Variants in TRAPPC13 observed in about 807,000 individuals in gnomAD.
TRAPPC13 encodes the protein trafficking protein particle complex subunit 13, also known as REV7-interacting novel NHEJ regulator 1.
TRAPPC13 carries 39 observed loss-of-function variants against 54.0 expected under a neutral mutation model. That is an observed-to-expected ratio of 0.72 (90% confidence interval 0.56 to 0.94). TRAPPC13 has a LOEUF of 0.94. Ranked by LOEUF, TRAPPC13 falls within the 40% of genes least tolerant of loss-of-function variation. The probability of loss-of-function intolerance (pLI) is 0.00; values close to 1 mark genes in which losing one functional copy is unlikely to be tolerated. For missense variants in TRAPPC13, 386 were observed against 488.1 expected (o/e 0.79, Z 1.97); for synonymous variants, 148 against 167.7 (o/e 0.88, Z 0.91).
intron 1 of TRAPPC13, chr5:65,630,416 A>AG: frequency 7.1e-7 from 1 of 1,403,666 alleles, no homozygotes; most frequent in Non-Finnish European, 9.2e-7. Flanking sequence ...TAATTTTTAC[A>AG]GGTTTTAAAA....
chr5:65,662,305 T>A, intron 11 of TRAPPC13, 155 bp downstream of exon 11: 1 of 519,682 alleles, frequency 1.9e-6, no homozygotes, highest in Non-Finnish European at 3.3e-6. Context: ...CTTCATCTGG[T>A]AGCAGTATAA....
intron 1 of TRAPPC13, among the ~76,000 whole-genome samples, chr5:65,632,298 T>C (rs1755578381): frequency 6.6e-6 from 1 of 152,156 alleles, no homozygotes; most frequent in Admixed American, 6.5e-5. Flanking sequence ...AGAAACTGCC[T>C]CCTGTGTATC....
At chr5:65,641,981 G>T (rs879666401) in intron 4 of TRAPPC13, among the ~76,000 whole-genome samples, 1 of 151,398 alleles carries the variant, frequency 6.6e-6, no homozygotes, top group Admixed American at 6.6e-5. Context: ...ATTTCATGTA[G>T]ATTTTCACAT....
chr5:65,650,094 G>A (rs1043949000), intron 5 of TRAPPC13, among the ~76,000 whole-genome samples: 10 of 147,788 alleles, frequency 6.8e-5, no homozygotes, highest in East Asian at 4.0e-4. Flanking sequence ...TCCTGACCTC[G>A]TGATCTGCCC....
In TRAPPC13 at chr5:65,660,845, A is replaced by G; in HGVS notation, c.845A>G (p.Lys282Arg). The G allele has an allele frequency of 3.1e-6, 5 of 1,613,582 alleles. No individual in the cohort carries two copies. Among genetic ancestry groups the G allele is most frequent in the Non-Finnish European group, 4.2e-6 (5 of 1,179,686 alleles). Reference protein sequence around the residue: ...TVIGKLDIVWKTNLGERGRLQ... With the variant: ...TVIGKLDIVWRTNLGERGRLQ... ...ATTGGAAAATTGGATATAGTATGGA[A>G]AACAAATCTAGGTGAAAGGGGAAGG... Residue 282 changes from lysine (K) to arginine (R), a missense_variant, in exon 10 of 13, where the codon AAA becomes AGA. Transcript: ENST00000399438.
chr5:65,656,077 A>G (rs1756641776), intron 8 of TRAPPC13, among the ~76,000 whole-genome samples: 1 of 152,192 alleles, frequency 6.6e-6, no homozygotes, highest in South Asian at 2.1e-4. Context: ...GGGTCAGGTG[A>G]TGATGGCCGC....
intron 3 of TRAPPC13, among the ~76,000 whole-genome samples, 172 bp from the exon 4 acceptor site, chr5:65,637,524 G>A (rs964396545): frequency 4.0e-5 from 6 of 151,890 alleles, no homozygotes; most frequent in East Asian, 1.9e-4. Flanking sequence ...TCAGCTACTC[G>A]GGAGGCTGAG....
chr5:65,636,086 A>G, intron 3 of TRAPPC13, 43 bp downstream of exon 3: 1 of 1,307,944 alleles, frequency 7.6e-7, no homozygotes, highest in Non-Finnish European at 1.1e-6. Context: ...TAAAGCCATT[A>G]CAAATTATGT....
rs139919396 is a variant in TRAPPC13 at position 65,643,629 on chromosome 5, T to C, written c.301-3426T>C. On this transcript the variant is annotated intron_variant, in intron 4 of 12. Transcript: ENST00000399438. ...GTCAGGAGATCAAGACCATCCTGGCTAACACGGTGAAACCCTGTGTCTACT... is the reference window on the plus strand; with the variant it reads ...GTCAGGAGATCAAGACCATCCTGGCCAACACGGTGAAACCCTGTGTCTACT... Among the ~76,000 whole-genome samples the C allele has an allele frequency of 7.0e-3, 1,066 of 151,986 alleles. 43 individuals are homozygous for C. The highest frequency in any genetic ancestry group is 0.065 in the Admixed American group (993 of 15,260).
At chr5:65,636,535 A>T (rs572569998) in intron 3 of TRAPPC13, among the ~76,000 whole-genome samples, 46 of 152,188 alleles carry the variant, frequency 3.0e-4, no homozygotes, top group Non-Finnish European at 5.1e-4. Flanking sequence ...ATACCAAAAT[A>T]AAATGTTAAT....
intron 4 of TRAPPC13, among the ~76,000 whole-genome samples, 198 bp from the exon 5 acceptor site, chr5:65,646,854 TTTG>T (rs747808113): frequency 7.4e-4 from 113 of 152,170 alleles, no homozygotes; most frequent in Middle Eastern, 3.4e-3. Context: ...TATTTATTTT[TTTG>T]GGGTTGGGGG....
At chr5:65,635,041 A>G (rs768322912) in intron 1 of TRAPPC13, 9 of 690,154 alleles carry the variant, frequency 1.3e-5, no homozygotes, top group Non-Finnish European at 1.6e-5. Context: ...CAGTTTTTCT[A>G]TAATGAATGC....
chr5:65,658,339 C>T (rs2150690343), intron 8 of TRAPPC13, 29 bp from the exon 9 acceptor site: 1 of 1,565,338 alleles, frequency 6.4e-7, no homozygotes, highest in Non-Finnish European at 8.6e-7. Flanking sequence ...GCCACCACAC[C>T]TTGGTGGATA....
chr5:65,648,796 C>CAT (rs1448023321), intron 5 of TRAPPC13, among the ~76,000 whole-genome samples: 3 of 151,818 alleles, frequency 2.0e-5, no homozygotes, highest in East Asian at 3.9e-4. Flanking sequence ...AGTCTTTTTG[C>CAT]ATATATATAT....
intron 4 of TRAPPC13, among the ~76,000 whole-genome samples, chr5:65,643,289 TA>T (rs916467294): frequency 6.6e-6 from 1 of 152,130 alleles, no homozygotes; most frequent in African/African-American, 2.4e-5. Context: ...ATTGATTTTT[TA>T]TGAATTTTCC....
intron 1 of TRAPPC13, among the ~76,000 whole-genome samples, chr5:65,632,250 T>A (rs1327550333): frequency 6.6e-6 from 1 of 152,158 alleles, no homozygotes; most frequent in East Asian, 1.9e-4. Context: ...GGTAACAAAA[T>A]GAGACCCTGT....
chr5:65,647,320 A>G, intron 5 of TRAPPC13, 138 bp downstream of exon 5: 1 of 676,476 alleles, frequency 1.5e-6, no homozygotes, highest in Non-Finnish European at 2.3e-6. Context: ...TGGCATGTTT[A>G]CCAGAAATAA....
intron 1 of TRAPPC13, among the ~76,000 whole-genome samples, chr5:65,628,987 T>G (rs1469948418): frequency 1.3e-5 from 2 of 152,056 alleles, no homozygotes; most frequent in African/African-American, 2.4e-5. Flanking sequence ...CCAGCTAATT[T>G]TTTTTTGTAT....
At chr5:65,647,316 GT>G in intron 5 of TRAPPC13, 134 bp downstream of exon 5, 1 of 686,432 alleles carries the variant, frequency 1.5e-6, no homozygotes, top group Non-Finnish European at 2.3e-6. Flanking sequence ...ATGTTGGCAT[GT>G]TTACCAGAAA....
Sources: gnomAD v4.1 joint callset for allele counts (sites outside exome capture counted in the v4.1 genomes callset) on GRCh38, gnomAD v4.1.1 for gene constraint, MANE v1.5 for transcripts, NCBI Gene and HGNC (gene_info 2026-07-23, HGNC 2026-07-21) for gene names.